The following TNS1 variants were observed in gnomAD, a reference collection of about 807,000 sequenced individuals.
TNS1 encodes the protein tensin-1.
Under a neutral mutation model 168.6 loss-of-function variants are expected in TNS1, and 62 were observed. The ratio of observed to expected loss-of-function variants is 0.37; its 90% confidence interval spans 0.30 to 0.45. The LOEUF is 0.45. Among genes scored for constraint, TNS1 ranks in the 20% least tolerant of loss-of-function variants. TNS1 has a pLI of 1.00. For synonymous variants in TNS1, 934 were observed against 933.2 expected (o/e 1.00, Z -0.02); for missense variants, 2,240 against 2,339.4 (o/e 0.96, Z 0.88).
chr2:217,901,366 C>G (rs1952952636), intron 6 of TNS1, among the ~76,000 whole-genome samples: 1 of 152,224 alleles, frequency 6.6e-6, no homozygotes, highest in Non-Finnish European at 1.5e-5. Flanking sequence ...GCATATAAGG[C>G]ACTTCGCATC....
At chr2:217,899,565 A>G (rs1018568659) in intron 7 of TNS1, among the ~76,000 whole-genome samples, 4 of 152,154 alleles carry the variant, frequency 2.6e-5, no homozygotes, top group Non-Finnish European at 5.9e-5. Context: ...AAAACTCGCA[A>G]GACAAGCTCC....
intron 3 of TNS1, among the ~76,000 whole-genome samples, chr2:217,952,810 C>G (rs551350237): frequency 1.3e-5 from 2 of 152,286 alleles, no homozygotes; most frequent in African/African-American, 4.8e-5. Flanking sequence ...GCAAGAAGGG[C>G]CCCCAAATCA....
chr2:217,858,181 C>T (rs960732374), intron 18 of TNS1, among the ~76,000 whole-genome samples: 5 of 152,116 alleles, frequency 3.3e-5, no homozygotes, highest in African/African-American at 1.2e-4. Context: ...CCGTTACCCC[C>T]ACAAGACTTA....
chr2:217,847,410 A>C (rs770586725), intron 19 of TNS1, 100 bp downstream of exon 19: 36 of 1,183,612 alleles, frequency 3.0e-5, no homozygotes, highest in Non-Finnish European at 3.6e-5. Context: ...CCCACCAGTG[A>C]AAGCAACATC....
intron 6 of TNS1, chr2:217,905,272 ACG>A (rs1953522262): frequency 1.2e-5 from 4 of 345,416 alleles, no homozygotes; most frequent in Non-Finnish European, 2.4e-5. Context: ...TGAGTACCCC[ACG>A]CCCAGGGGAA....
chr2:218,031,410 T>C (rs557102502), intron 1 of TNS1, among the ~76,000 whole-genome samples: 2 of 150,836 alleles, frequency 1.3e-5, no homozygotes, highest in South Asian at 4.2e-4. Context: ...AGTGTGTGAG[T>C]GCACCTGTGT....
At chr2:217,857,783 C>G (rs3791959) in intron 18 of TNS1, among the ~76,000 whole-genome samples, 58,374 of 152,040 alleles carry the variant, frequency 0.38, 11,702 homozygotes, top group South Asian at 0.61. Flanking sequence ...TGTGTTCCCC[C>G]CAGCCTGAAG....
At chr2:217,872,298 A>T (rs1270646579) in intron 18 of TNS1, among the ~76,000 whole-genome samples, 4 of 152,252 alleles carry the variant, frequency 2.6e-5, no homozygotes, top group South Asian at 2.1e-4. Flanking sequence ...TATATCGGCA[A>T]ATTATATATC....
In TNS1 at chr2:217,813,361, C is replaced by A. The variant is rs1941323053; in HGVS notation, c.4862-54G>T. The stretch of plus-strand genomic sequence containing the variant: ...AGTCCCTGCCCATGGCTTCCTCCCA[C>A]CACCTCCCAAGACTGCTTCAAAACT... On this transcript the variant is annotated intron_variant, in intron 26 of 32. Coordinates refer to ENST00000682258, the MANE Select transcript of TNS1 (RefSeq NM_001387777.1). The surrounding 1 kb of genome is among the most constrained non-coding windows in gnomAD (Gnocchi z 4.0). 1.4e-6 allele frequency: 2 copies of A among 1,390,286 alleles called. No homozygotes were observed. The allele number at this position is 1,390,286 out of a possible 1,614,324, so 86.1% of individuals were successfully genotyped here.
At chr2:218,015,280 C>T (rs1958747491), upstream of TNS1, among the ~76,000 whole-genome samples, 1 of 152,090 alleles carries the variant, frequency 6.6e-6, no homozygotes, top group African/African-American at 2.4e-5. Context: ...GGAAGGAGGC[C>T]CTCATTCCTG....
chr2:218,006,599 G>A (rs892978203), upstream of TNS1, among the ~76,000 whole-genome samples: 2 of 152,152 alleles, frequency 1.3e-5, no homozygotes, highest in Non-Finnish European at 2.9e-5. Flanking sequence ...GCCTTTGGGG[G>A]TCACCTAGAA....
intron 3 of TNS1, among the ~76,000 whole-genome samples, chr2:217,939,596 C>A (rs1956806670): frequency 6.6e-6 from 1 of 152,232 alleles, no homozygotes; most frequent in Non-Finnish European, 1.5e-5. Context: ...AGGTCTGGGG[C>A]CCCATAGTGG....
chr2:217,846,510 G>A (rs373796178), intron 19 of TNS1, among the ~76,000 whole-genome samples: 6 of 152,240 alleles, frequency 3.9e-5, no homozygotes, highest in African/African-American at 9.6e-5. Context: ...TCTCCTCCTC[G>A]CTGAGCTCCC....
intron 1 of TNS1, among the ~76,000 whole-genome samples, chr2:217,993,089 G>A (rs1421704569): frequency 6.6e-6 from 1 of 152,116 alleles, no homozygotes; most frequent in African/African-American, 2.4e-5. Flanking sequence ...ATGCTGTGCG[G>A]GATTTTAGCC....
chr2:217,836,807 A>G (rs938920227), intron 19 of TNS1, among the ~76,000 whole-genome samples: 3 of 152,074 alleles, frequency 2.0e-5, no homozygotes, highest in African/African-American at 7.2e-5. Flanking sequence ...AACTCCCCTT[A>G]TACTGGCCTC....
At position 217,895,059 on chromosome 2, in the gene TNS1, A is replaced by G. The variant is rs1194566078; in HGVS notation, c.544-3T>C. ...CTCCGCTCAGAGAGGTTGAACAGCT[A>G]GAAGGAGCAAAAGGAAGAGAGCATG... On this transcript the variant is annotated splice_region_variant and splice_polypyrimidine_tract_variant and intron_variant, in intron 8 of 32. Coordinates refer to ENST00000682258, the MANE Select transcript of TNS1 (RefSeq NM_001387777.1). 2 of 1,610,132 alleles carry G rather than the reference A, an allele frequency of 1.2e-6. No individual in the cohort carries two copies. Among genetic ancestry groups the G allele is most frequent in the African/African-American group, 1.3e-5 (1 of 74,890 alleles).
intron 1 of TNS1, among the ~76,000 whole-genome samples, chr2:218,017,198 T>A (rs2106006135): frequency 6.6e-6 from 1 of 152,304 alleles, no homozygotes; most frequent in Admixed American, 6.5e-5. Flanking sequence ...TCATGGAACT[T>A]GATTCCTTCC....
chr2:217,841,184 A>G, intron 19 of TNS1: 1 of 978,536 alleles, frequency 1.0e-6, no homozygotes, highest in African/African-American at 1.8e-5. Context: ...AGAAGGGGGA[A>G]GGAGAGCCAC....
chr2:217,830,048 G>A, intron 22 of TNS1: 2 of 945,040 alleles, frequency 2.1e-6, no homozygotes, highest in Non-Finnish European at 2.5e-6. Flanking sequence ...AAGCTGGGGT[G>A]AGGCCAGGGC....
Sources: gnomAD v4.1 joint callset for allele counts (sites outside exome capture counted in the v4.1 genomes callset) on GRCh38, gnomAD v4.1.1 for gene constraint, Gnocchi (gnomAD v3.1) non-coding constraint, MANE v1.5 for transcripts, NCBI Gene and HGNC (gene_info 2026-07-23, HGNC 2026-07-21) for gene names.